Variants in TONSL observed in about 807,000 individuals in gnomAD.
TONSL encodes tonsoku-like protein.
Under a neutral mutation model 147.1 loss-of-function variants are expected in TONSL, and 112 were observed. That is an observed-to-expected ratio of 0.76 (90% CI 0.65 to 0.89). The LOEUF is 0.89. Ranked by LOEUF, TONSL falls within the 40% of genes least tolerant of loss-of-function variation. The pLI is 0.00. For missense variants in TONSL, 1,883 were observed against 1,864.6 expected (o/e 1.01, Z -0.18); for synonymous variants, 868 against 801.5 (o/e 1.08, Z -1.40).
Position 144,442,338 on chromosome 8 carries a change from T to G in TONSL, c.653A>C (p.His218Pro). The change falls in exon 6 of 26, where the codon CAC becomes CCC. Residue 218 changes from histidine to proline, a missense_variant. Transcript: ENST00000409379. The stretch of plus-strand genomic sequence containing the variant: ...CTCCAAGCAGCGCATAGCCTGGGAG[T>G]GCTGGCCCGCGCGCCAGTGGATGGT... Reference protein sequence around the residue: ...LGTIHWRAGQHSQAMRCLEGA... With the variant: ...LGTIHWRAGQPSQAMRCLEGA... 2 of 1,592,998 alleles carry G rather than the reference T, an allele frequency of 1.3e-6. No homozygotes were observed. Among genetic ancestry groups the G allele is most frequent in the Non-Finnish European group, 1.7e-6 (2 of 1,165,708 alleles).
intron 7 of TONSL, chr8:144,441,713 C>T (rs189687390): frequency 3.9e-4 from 123 of 312,448 alleles, no homozygotes; most frequent in Non-Finnish European, 6.2e-4. Flanking sequence ...TCTCCTCTCC[C>T]ACCCTGGGAG....
chr8:144,438,303 T>C (rs1269346932), intron 13 of TONSL, 168 bp downstream of exon 13: 1 of 651,936 alleles, frequency 1.5e-6, no homozygotes, highest in Non-Finnish European at 2.7e-6. Context: ...CCTCCCAGGA[T>C]GAAGTGATCC....
intron 20 of TONSL, 141 bp downstream of exon 20, chr8:144,434,670 T>G (rs1823358595): frequency 4.5e-6 from 4 of 882,824 alleles, no homozygotes; most frequent in Non-Finnish European, 6.8e-6. Flanking sequence ...CACATCCAAG[T>G]GCAGGACACA....
chr8:144,438,710 C>G lies in TONSL; in HGVS notation c.1506G>C (p.Pro502=), dbSNP rs779139647. The stretch of plus-strand genomic sequence containing the variant: ...GAAGCTCCTCGTCCTCCTCCAGCTG[C>G]GGGGTCAGGCCATCGGTGTCGTCCT... The part of the protein sequence containing the change: ...EGEDDTDGLT[P]QLEEDEELQG... Residue 502 remains proline (P), a synonymous_variant, in exon 12 of 26, where the codon CCG becomes CCC. Transcript: ENST00000409379. 6.2e-7 allele frequency: 1 copy of G among 1,613,216 alleles called. No individual in the cohort carries two copies. The highest frequency in any genetic ancestry group is 8.5e-7 in the Non-Finnish European group (1 of 1,179,946).
In TONSL at chr8:144,432,420, G is replaced by T. The variant is rs782053827; in HGVS notation, c.3600C>A (p.Ala1200=). 1 of 1,584,300 alleles carries T rather than the reference G, an allele frequency of 6.3e-7. No homozygotes were observed. The highest frequency in any genetic ancestry group is 8.6e-7 in the Non-Finnish European group (1 of 1,167,828). ...HLKTLSLSYN[A]LGAPALARTL... is the part of the protein sequence containing the mutation. The stretch of plus-strand genomic sequence containing the variant: ...TCCTGGCCAGGGCAGGGGCTCCCAG[G>T]GCGTTGTAGGACAGGGACAGGGTCT... The change falls in exon 23 of 26, where the codon GCC becomes GCA. Residue 1200 remains alanine (A), a synonymous_variant. Transcript: ENST00000409379.
intron 4 of TONSL, 31 bp downstream of exon 4, chr8:144,443,107 G>T: frequency 6.5e-7 from 1 of 1,540,332 alleles, no homozygotes. Context: ...CCGAAGTTCA[G>T]GAGGCAGAAA....
rs748021657 is a variant in TONSL, at chr8:144,436,371, C to A, written c.2062G>T (p.Asp688Tyr). ...AFHTPSSLLF[D>Y]PETSPPLSPC... ...CTCAAAGGAGGAGAGGTCTCGGGGT[C>A]AAACAGAAGGCTGCTTGGGGTGTGG... Residue 688 changes from aspartate to tyrosine, a missense_variant, in exon 17 of 26, where the codon GAC (aspartate) becomes TAC (tyrosine). Transcript: ENST00000409379. The A allele has an allele frequency of 2.0e-6, 3 of 1,502,680 alleles. No individual in the cohort carries two copies. The highest frequency in any genetic ancestry group is 2.6e-6 in the Non-Finnish European group (3 of 1,133,016). 93.1% of individuals were successfully genotyped at this position (1,502,680 alleles called of 1,614,324 possible).
chr8:144,430,982 G>C, intron 24 of TONSL, 96 bp downstream of exon 24: 2 of 1,392,954 alleles, frequency 1.4e-6, no homozygotes, highest in Non-Finnish European at 2.0e-6. Context: ...TGCTGGGGAG[G>C]AGGAGCTGGT....
intron 20 of TONSL, 63 bp from the exon 21 acceptor site, chr8:144,434,342 G>C (rs1341321367): frequency 7.2e-7 from 1 of 1,381,488 alleles, no homozygotes; most frequent in Non-Finnish European, 9.6e-7. Flanking sequence ...GAATCCCAGA[G>C]GGCAAACCAG....
rs375744626 is a variant in TONSL, at chr8:144,433,802, C to T, written c.3388-43G>A. ...TGGCAGTGAGCCCCCAGCAGTCCCA[C>T]GGACAGGGTCCCCCTTGGGGCTTGG... On this transcript the variant is annotated intron_variant, in intron 21 of 25. Coordinates refer to ENST00000409379, the MANE Select transcript of TONSL (RefSeq NM_013432.5). 26 of 1,525,838 alleles carry T rather than the reference C, an allele frequency of 1.7e-5. No individual in the cohort carries two copies. The East Asian group carries it at 3.0e-4, about 17-fold the overall frequency. The allele number at this position is 1,525,838 out of a possible 1,614,324, so 94.5% of individuals were successfully genotyped here. A position where few individuals can be genotyped will look rare whatever the true frequency, so the allele number is the denominator to read the frequency against.
rs782597257 is a variant in TONSL at position 144,434,327 on chromosome 8, C to T, written c.3086-48G>A. Reference sequence around the variant, plus strand: ...CCAGGGTAAGGCCGGCCCTTTCTGCCCTCTGAATCCCAGAGGGCAAACCAG... The same window carrying T: ...CCAGGGTAAGGCCGGCCCTTTCTGCTCTCTGAATCCCAGAGGGCAAACCAG... On this transcript the variant is annotated intron_variant, in intron 20 of 25. Transcript: ENST00000409379. 17 of 1,439,790 alleles carry T rather than the reference C, an allele frequency of 1.2e-5. No individual in the cohort carries two copies. The East Asian group carries it at 4.3e-4, about 36-fold the overall frequency. 89.2% of individuals were successfully genotyped at this position (1,439,790 alleles called of 1,614,324 possible).
At chr8:144,430,383 G>T (rs1554878373) in intron 25 of TONSL, 21 bp downstream of exon 25, 1 of 1,573,242 alleles carries the variant, frequency 6.4e-7, no homozygotes, top group South Asian at 1.2e-5. Flanking sequence ...TGGCAGGCGT[G>T]GCCACCATAC....
At chr8:144,439,544 C>T (rs913648402) in intron 11 of TONSL, among the ~76,000 whole-genome samples, 63 of 152,196 alleles carry the variant, frequency 4.1e-4, no homozygotes, top group African/African-American at 1.4e-3. Flanking sequence ...CCGCTAACCC[C>T]GCTCTCAGCC....
At chr8:144,442,907 C>T in intron 4 of TONSL, 101 bp from the exon 5 acceptor site, 1 of 1,453,152 alleles carries the variant, frequency 6.9e-7, no homozygotes. Flanking sequence ...CCTACCCCCT[C>T]CCTCCTCCCG....
In TONSL at chr8:144,435,944, C is replaced by A; in HGVS notation, c.2489G>T (p.Cys830Phe). The A allele has an allele frequency of 6.4e-7, 1 of 1,564,528 alleles. No homozygotes were observed. Among genetic ancestry groups the A allele is most frequent in the Non-Finnish European group, 8.7e-7 (1 of 1,153,466 alleles). Residue 830 changes from cysteine (C) to phenylalanine (F), a missense_variant, in exon 17 of 26, where the codon TGC becomes TTC. Physicochemically the swap from Cys to Phe is radical, Grantham distance 205 (BLOSUM62 -2). Coordinates refer to ENST00000409379, the MANE Select transcript of TONSL (RefSeq NM_013432.5). ...PQAALIPEEE[C>F]LAGDWLELDM... ...CAGCTCCAGCCAGTCCCCGGCCAGGCACTCCTCCTCCGGGATGAGCGCTGC... is the reference window on the plus strand; with the variant it reads ...CAGCTCCAGCCAGTCCCCGGCCAGGAACTCCTCCTCCGGGATGAGCGCTGC...
Position 144,443,882 on chromosome 8 carries a change from C to G in TONSL, c.264G>C (p.Gln88His), listed in dbSNP as rs1006613366. ...AEMEDYPAAL[Q>H]HQHQYLELAH... Reference sequence around the variant, plus strand: ...ACGAGGCCAGTGAGGGCGCCCGCACCTGCAAGGCAGCCGGGTAGTCCTCCA... The same window carrying G: ...ACGAGGCCAGTGAGGGCGCCCGCACGTGCAAGGCAGCCGGGTAGTCCTCCA... Residue 88 changes from glutamine to histidine, a missense_variant and splice_region_variant, in exon 3 of 26, where the codon CAG becomes CAC. Gln to His is a conservative substitution (Grantham distance 24, BLOSUM62 0). Coordinates refer to ENST00000409379, the MANE Select transcript of TONSL (RefSeq NM_013432.5). 44 of 1,544,950 alleles carry G rather than the reference C, an allele frequency of 2.8e-5. No individual in the cohort carries two copies. The highest frequency in any genetic ancestry group is 1.5e-4 in the South Asian group (13 of 84,038).
At position 144,435,903 on chromosome 8, in the gene TONSL, G is replaced by T. The variant is rs200813129; in HGVS notation, c.2530C>A (p.Arg844Ser). ...CCCCGGGGGCGGGGCCGGCGGCTGC[G>T]GGTCAGGGGCATGTCCAGCTCCAGC... is the stretch of plus-strand genomic sequence containing the variant. Reference protein sequence around the residue: ...DWLELDMPLTRSRRPRPRGTG... With the variant: ...DWLELDMPLTSSRRPRPRGTG... Residue 844 changes from arginine to serine, a missense_variant, in exon 17 of 26, where the codon CGC becomes AGC. Arg to Ser is a moderately radical substitution (Grantham distance 110). Transcript: ENST00000409379. 9.4e-6 allele frequency: 15 copies of T among 1,593,500 alleles called. No individual in the cohort carries two copies. The highest frequency in any genetic ancestry group is 1.3e-5 in the African/African-American group (1 of 74,582).
Position 144,437,474 on chromosome 8 carries a change from G to A in TONSL, c.1654-375C>T, listed in dbSNP as rs536485048. Among the ~76,000 whole-genome samples, 11 of 152,216 alleles carry A rather than the reference G, an allele frequency of 7.2e-5. No homozygotes were observed. The South Asian group carries it at 2.3e-3, about 32-fold the overall frequency. On this transcript the variant is annotated intron_variant, in intron 13 of 25. Transcript: ENST00000409379. ...TAACACAGATGCATACCACACAGCAGGTACCCCATTTTTTTTTTGAGACCA... is the reference window on the plus strand; with the variant it reads ...TAACACAGATGCATACCACACAGCAAGTACCCCATTTTTTTTTTGAGACCA...
At chr8:144,431,628 C>A in intron 23 of TONSL, among the ~76,000 whole-genome samples, 1 of 151,882 alleles carries the variant, frequency 6.6e-6, no homozygotes. Context: ...TGTTCTCCTG[C>A]CTGTCTCCCA....
Sources: gnomAD v4.1 joint callset for allele counts (sites outside exome capture counted in the v4.1 genomes callset) on GRCh38, gnomAD v4.1.1 for gene constraint, MANE v1.5 for transcripts, NCBI Gene and HGNC (gene_info 2026-07-23, HGNC 2026-07-21) for gene names.